ADGRL3: variants seen among roughly 807,000 people sequenced by gnomAD.
The protein encoded by ADGRL3 is calcium-independent alpha-latrotoxin receptor 3.
Under a neutral mutation model 153.5 loss-of-function variants are expected in ADGRL3, and 62 were observed. The observed-to-expected ratio is 0.40, with a 90% confidence interval of 0.33 to 0.50. ADGRL3 has a LOEUF of 0.50. Among genes scored for constraint, ADGRL3 ranks in the 20% least tolerant of loss-of-function variants. The pLI, the probability that ADGRL3 is intolerant of heterozygous loss-of-function variation, is 0.47. For synonymous variants in ADGRL3, 710 were observed against 672.5 expected, an observed-to-expected ratio of 1.06 and a Z score of -0.86; for missense variants, 1,641 against 1,859.4, an observed-to-expected ratio of 0.88 and a Z score of 2.16.
At chr4:61,770,962 A>G (rs182993197) in intron 8 of ADGRL3, among the ~76,000 whole-genome samples, 1 of 152,278 alleles carries the variant, frequency 6.6e-6, no homozygotes, top group Admixed American at 6.5e-5. Flanking sequence ...ACCAAGAATA[A>G]TTAGGCACAA....
At chr4:61,368,589 T>C (rs1392517831) in intron 1 of ADGRL3, among the ~76,000 whole-genome samples, 3 of 151,702 alleles carry the variant, frequency 2.0e-5, no homozygotes, top group Non-Finnish European at 4.4e-5. Flanking sequence ...TTGATCTATA[T>C]CTCTGTTTTG....
chr4:61,971,662 G>A (rs1173335737), intron 17 of ADGRL3, among the ~76,000 whole-genome samples: 1 of 151,924 alleles, frequency 6.6e-6, no homozygotes, highest in Admixed American at 6.6e-5. Flanking sequence ...TAGTCCTTTG[G>A]GTATATACCC....
chr4:61,237,556 A>T (rs1486976142), intron 1 of ADGRL3, among the ~76,000 whole-genome samples: 1 of 152,170 alleles, frequency 6.6e-6, no homozygotes, highest in Non-Finnish European at 1.5e-5. Context: ...CCTGAAATAT[A>T]ACCCCAGTCT....
chr4:61,493,151 C>T (rs949493941), intron 2 of ADGRL3, among the ~76,000 whole-genome samples: 2 of 152,088 alleles, frequency 1.3e-5, no homozygotes, highest in African/African-American at 4.8e-5. Flanking sequence ...GCTATTAAAA[C>T]ATATTGTATA....
rs182243430 is a variant in ADGRL3 at position 61,878,590 on chromosome 4, C to T, written c.1481-14066C>T. ...AAAAGATGAAGTAGGGTGATCTCCTCTGGGTACATGAATGATCACATTTGT... is the reference window on the plus strand; with the variant it reads ...AAAAGATGAAGTAGGGTGATCTCCTTTGGGTACATGAATGATCACATTTGT... On this transcript the variant is annotated intron_variant, in intron 9 of 26. Coordinates refer to ENST00000683033, the MANE Select transcript of ADGRL3 (RefSeq NM_001387552.1). 1.3e-4 allele frequency among the ~76,000 whole-genome samples: 20 copies of T among 152,254 alleles called. 1 individual carries two copies. Among genetic ancestry groups the T allele is most frequent in the African/African-American group, 4.8e-4 (20 of 41,540 alleles).
chr4:61,982,711 A>G (rs775608579), intron 18 of ADGRL3, among the ~76,000 whole-genome samples: 1 of 152,186 alleles, frequency 6.6e-6, no homozygotes, highest in Non-Finnish European at 1.5e-5. Context: ...CTAAACCAAT[A>G]TTTAGTACAA....
intron 5 of ADGRL3, among the ~76,000 whole-genome samples, chr4:61,633,924 T>C (rs1249486703): frequency 6.9e-6 from 1 of 145,858 alleles, no homozygotes; most frequent in Non-Finnish European, 1.5e-5. Flanking sequence ...AACTGCACGT[T>C]AGAGAAAGTC....
chr4:61,599,523 C>T (rs972498800), intron 5 of ADGRL3, among the ~76,000 whole-genome samples: 3 of 152,060 alleles, frequency 2.0e-5, no homozygotes, highest in South Asian at 2.1e-4. Flanking sequence ...AGTAGAGATG[C>T]GGTTTCGCCC....
At chr4:61,922,548 T>C (rs989376913) in intron 13 of ADGRL3, among the ~76,000 whole-genome samples, 1 of 152,206 alleles carries the variant, frequency 6.6e-6, no homozygotes, top group Non-Finnish European at 1.5e-5. Context: ...TGTTTTAGGA[T>C]CCTATCCAGG....
At chr4:61,640,996 G>T (rs112328897) in intron 5 of ADGRL3, among the ~76,000 whole-genome samples, 60 of 151,998 alleles carry the variant, frequency 3.9e-4, no homozygotes, top group African/African-American at 1.4e-3. Context: ...ACTATATATT[G>T]TTTCCACTTA....
At chr4:61,475,499 C>A (rs1317401827) in intron 2 of ADGRL3, among the ~76,000 whole-genome samples, 3 of 152,102 alleles carry the variant, frequency 2.0e-5, no homozygotes, top group African/African-American at 7.2e-5. Context: ...AAGATATCTT[C>A]TATGAAGGTG....
At chr4:61,553,851 G>A (rs958346172) in intron 4 of ADGRL3, among the ~76,000 whole-genome samples, 13 of 152,002 alleles carry the variant, frequency 8.6e-5, no homozygotes, top group Non-Finnish European at 5.9e-5. Flanking sequence ...AGTTTCTCAA[G>A]CACAGAACAG....
At chr4:61,675,114 G>A (rs547678561) in intron 5 of ADGRL3, among the ~76,000 whole-genome samples, 115 of 151,920 alleles carry the variant, frequency 7.6e-4, no homozygotes, top group African/African-American at 2.6e-3. Context: ...ATCAAATTTA[G>A]GGACTAAATA....
intron 18 of ADGRL3, among the ~76,000 whole-genome samples, chr4:61,981,560 T>G (rs1298085482): frequency 6.6e-6 from 1 of 151,922 alleles, no homozygotes; most frequent in Non-Finnish European, 1.5e-5. Context: ...AGAACAGCAC[T>G]AGCCAACTGT....
At chr4:61,457,151 T>G (rs1324107625) in intron 2 of ADGRL3, among the ~76,000 whole-genome samples, 1 of 152,004 alleles carries the variant, frequency 6.6e-6, no homozygotes, top group Non-Finnish European at 1.5e-5. Flanking sequence ...TCTCCGTTTA[T>G]TAAAACATGA....
At chr4:61,257,078 A>G (rs1190147497) in intron 1 of ADGRL3, among the ~76,000 whole-genome samples, 4 of 152,176 alleles carry the variant, frequency 2.6e-5, no homozygotes, top group African/African-American at 7.2e-5. Flanking sequence ...CACAAAGCCA[A>G]TGATAAATCT....
chr4:61,336,602 G>A (rs180715876), intron 1 of ADGRL3, among the ~76,000 whole-genome samples: 1 of 152,166 alleles, frequency 6.6e-6, no homozygotes, highest in East Asian at 1.9e-4. Flanking sequence ...TGGTGTGAGG[G>A]TGGAAATAGG....
chr4:61,959,789 T>G (rs997494854), intron 17 of ADGRL3, among the ~76,000 whole-genome samples: 3 of 152,116 alleles, frequency 2.0e-5, no homozygotes, highest in Non-Finnish European at 4.4e-5. Flanking sequence ...ATTTAAGAAA[T>G]TAGCTTTATT....
chr4:61,319,154 G>A (rs2095301729), intron 1 of ADGRL3, among the ~76,000 whole-genome samples: 1 of 151,974 alleles, frequency 6.6e-6, no homozygotes, highest in African/African-American at 2.4e-5. Flanking sequence ...CATCTCCCTG[G>A]GGTCATTTTT....
Sources: allele counts gnomAD v4.1 joint callset (sites outside exome capture counted in the v4.1 genomes callset), GRCh38; gene constraint gnomAD v4.1.1; transcripts MANE v1.5; gene names NCBI Gene and HGNC (gene_info 2026-07-23, HGNC 2026-07-21).